Variants in CCDC125 observed in about 807,000 individuals in gnomAD.
CCDC125 encodes the protein coiled-coil domain containing 125.
In CCDC125, 43 loss-of-function variants were observed where a neutral mutation model predicts 57.4. The ratio of observed to expected loss-of-function variants is 0.75; its 90% CI spans 0.59 to 0.97. The LOEUF is 0.97. Ranked by LOEUF, CCDC125 falls within the 50% of genes least tolerant of loss-of-function variation. The pLI is 0.00. For synonymous variants in CCDC125, 187 were observed against 195.2 expected (o/e 0.96, Z 0.35); for missense variants, 563 against 595.7 (o/e 0.95, Z 0.57).
At position 69,311,138 on chromosome 5, in the gene CCDC125, A is replaced by G. The variant is rs535644899; in HGVS notation, c.433T>C (p.Leu145=). The G allele has an allele frequency of 3.7e-5, 59 of 1,609,178 alleles. No homozygotes were observed. The highest frequency in any genetic ancestry group is 5.0e-5 in the Non-Finnish European group (59 of 1,176,708). ...CTTACCATGCTTTGAAGAATTTTCAATGCTTCCTCTTTACCTCTGAGTTGT... is the reference window on the plus strand; with the variant it reads ...CTTACCATGCTTTGAAGAATTTTCAGTGCTTCCTCTTTACCTCTGAGTTGT... ...QRQLRGKEEA[L]KILQSMAILG... The change falls in exon 4 of 12, where the codon TTG becomes CTG. Residue 145 remains leucine, a synonymous_variant. Coordinates refer to ENST00000396496, the MANE Select transcript of CCDC125 (RefSeq NM_176816.5).
chr5:69,284,738 T>C (rs1386580086), intron 11 of CCDC125, among the ~76,000 whole-genome samples: 2 of 152,160 alleles, frequency 1.3e-5, no homozygotes, highest in South Asian at 4.1e-4. Context: ...GGGTGTCCAA[T>C]CTTTTGGCTT....
chr5:69,294,048 G>T, intron 9 of CCDC125: 1 of 607,642 alleles, frequency 1.6e-6, no homozygotes, highest in Non-Finnish European at 2.1e-6. Flanking sequence ...AGTAAATGGT[G>T]GAGCAAAGAT....
At chr5:69,329,049 T>C (rs1216947207) in intron 1 of CCDC125, among the ~76,000 whole-genome samples, 3 of 152,180 alleles carry the variant, frequency 2.0e-5, no homozygotes, top group Non-Finnish European at 2.9e-5. Flanking sequence ...GGCCTCGGCC[T>C]CCCAAAGTGC....
chr5:69,278,562 A>G (rs940490766), downstream of CCDC125, among the ~76,000 whole-genome samples: 2 of 152,028 alleles, frequency 1.3e-5, no homozygotes, highest in Non-Finnish European at 2.9e-5. Context: ...CCCAGAGGGA[A>G]ATGACTCTAT....
intron 1 of CCDC125, among the ~76,000 whole-genome samples, chr5:69,329,194 A>C (rs1292439881): frequency 6.6e-6 from 1 of 152,044 alleles, no homozygotes. Context: ...TTTTATATGG[A>C]CAGAGTCTCA....
downstream of CCDC125, among the ~76,000 whole-genome samples, chr5:69,276,270 C>A (rs1752127095): frequency 6.6e-6 from 1 of 152,142 alleles, no homozygotes; most frequent in South Asian, 2.1e-4. Context: ...CTCATGTGAT[C>A]CACCCGCCTC....
the CCDC125 span, among the ~76,000 whole-genome samples, chr5:69,273,457 A>G: frequency 2.0e-5 from 3 of 152,218 alleles, no homozygotes; most frequent in Admixed American, 6.5e-5. Context: ...TCTTTCCTAT[A>G]TAATGCAATC....
intron 9 of CCDC125, 149 bp downstream of exon 9, chr5:69,294,644 G>A (rs1377546600): frequency 1.3e-5 from 9 of 688,544 alleles, no homozygotes; most frequent in Non-Finnish European, 7.6e-6. Context: ...AAATCCAGTT[G>A]ATAAGTTGAT....
chr5:69,286,783 G>C (rs1753554749), intron 10 of CCDC125, among the ~76,000 whole-genome samples: 1 of 152,078 alleles, frequency 6.6e-6, no homozygotes, highest in Non-Finnish European at 1.5e-5. Flanking sequence ...GATGAGGGGA[G>C]ATCCCCTTCC....
intron 9 of CCDC125, among the ~76,000 whole-genome samples, chr5:69,292,871 C>T (rs1003834939): frequency 1.1e-4 from 16 of 149,078 alleles, no homozygotes; most frequent in Non-Finnish European, 1.6e-4. Context: ...GATGGAGTCT[C>T]GCTCTGTCGC....
chr5:69,277,026 G>A, downstream of CCDC125: 1 of 1,201,286 alleles, frequency 8.3e-7, no homozygotes, highest in Admixed American at 2.2e-5. Flanking sequence ...GGAATGCAGT[G>A]ACTGGTTAAA....
Position 69,285,449 on chromosome 5 carries a change from C to A in CCDC125, c.1118G>T (p.Ser373Ile). The A allele has an allele frequency of 6.2e-7, 1 of 1,600,160 alleles. No individual in the cohort carries two copies. Among genetic ancestry groups the A allele is most frequent in the Non-Finnish European group, 8.5e-7 (1 of 1,176,076 alleles). ...LKEDGFPSPR[S>I]KKTFGQRLLG... ...CAGTCTCTGCCCGAAGGTCTTCTTA[C>A]TCCTTGGTGATGGAAATCCTAAAAT... Residue 373 changes from serine (S) to isoleucine (I), a missense_variant, in exon 11 of 12, where the codon AGT (serine) becomes ATT (isoleucine). Physicochemically the swap from Ser to Ile is moderately radical, Grantham distance 142. Coordinates refer to ENST00000396496, the MANE Select transcript of CCDC125 (RefSeq NM_176816.5).
chr5:69,313,479 G>T, intron 3 of CCDC125: 2 of 1,105,992 alleles, frequency 1.8e-6, no homozygotes, highest in South Asian at 2.5e-5. Flanking sequence ...ATTCTTGCTT[G>T]ATTCCTGTCA....
intron 7 of CCDC125, among the ~76,000 whole-genome samples, chr5:69,302,648 C>T (rs1756675290): frequency 6.6e-6 from 1 of 151,534 alleles, no homozygotes; most frequent in South Asian, 2.1e-4. Flanking sequence ...TTGCTTAAAC[C>T]CAGGAGGCGG....
chr5:69,298,026 T>TG (rs1755684265), intron 8 of CCDC125, among the ~76,000 whole-genome samples: 1 of 151,236 alleles, frequency 6.6e-6, no homozygotes, highest in African/African-American at 2.4e-5. Flanking sequence ...ATAAAGTTTT[T>TG]TTTTTTTTGA....
chr5:69,276,487 C>T, downstream of CCDC125: 1 of 1,523,476 alleles, frequency 6.6e-7, no homozygotes, highest in African/African-American at 1.4e-5. Context: ...TAAGATTTTC[C>T]TTAACACATT....
At chr5:69,278,175 C>T (rs1032359946), downstream of CCDC125, among the ~76,000 whole-genome samples, 2 of 151,876 alleles carry the variant, frequency 1.3e-5, no homozygotes, top group Non-Finnish European at 2.9e-5. Flanking sequence ...AGCCACTACA[C>T]CTGGCCAGAG....
chr5:69,327,126 G>C (rs948991188), intron 1 of CCDC125, among the ~76,000 whole-genome samples: 1 of 136,990 alleles, frequency 7.3e-6, no homozygotes, highest in Non-Finnish European at 1.5e-5. Flanking sequence ...ACAGCGTCTT[G>C]CTCTGTCGCC....
chr5:69,279,198 G>GTTT (rs59136402), downstream of CCDC125, among the ~76,000 whole-genome samples: 15 of 119,222 alleles, frequency 1.3e-4, no homozygotes, highest in African/African-American at 4.5e-4. Context: ...ATGCAGGTTT[G>GTTT]TTTTTTTTTT....
Sources: gnomAD v4.1 joint callset for allele counts (sites outside exome capture counted in the v4.1 genomes callset) on GRCh38, gnomAD v4.1.1 for gene constraint, MANE v1.5 for transcripts, NCBI Gene and HGNC (gene_info 2026-07-23, HGNC 2026-07-21) for gene names.